Variants in CDH18 observed in about 807,000 individuals in gnomAD.
CDH18 encodes cadherin 18, also known as cadherin-18.
In CDH18, 31 loss-of-function variants were observed where a neutral mutation model predicts 67.9. The observed-to-expected ratio is 0.46, with a 90% confidence interval of 0.34 to 0.62. The LOEUF (loss-of-function observed/expected upper bound fraction) is 0.62, where lower values mean the gene tolerates loss of function less well. Among genes scored for constraint, CDH18 ranks in the 20% least tolerant of loss-of-function variants. The pLI is 0.01. For synonymous variants in CDH18, 362 were observed against 347.2 expected, an observed-to-expected ratio of 1.04 and a Z score of -0.48; for missense variants, 890 against 975.5, an observed-to-expected ratio of 0.91 and a Z score of 1.17.
At chr5:20,526,934 A>G (rs1383452285) in intron 1 of CDH18, among the ~76,000 whole-genome samples, 1 of 152,120 alleles carries the variant, frequency 6.6e-6, no homozygotes, top group African/African-American at 2.4e-5. Flanking sequence ...GAATGGACAA[A>G]CCGACAGAAG....
chr5:19,701,180 T>C (rs1561085890), intron 5 of CDH18, among the ~76,000 whole-genome samples: 1 of 152,120 alleles, frequency 6.6e-6, no homozygotes, highest in African/African-American at 2.4e-5. Flanking sequence ...TTATGTGTTT[T>C]AAAAAATGAC....
intron 2 of CDH18, among the ~76,000 whole-genome samples, chr5:19,847,570 A>G (rs1783138938): frequency 6.6e-6 from 1 of 152,042 alleles, no homozygotes; most frequent in African/African-American, 2.4e-5. Context: ...TATTTCATAT[A>G]CTTCCATTTT....
intron 2 of CDH18, among the ~76,000 whole-genome samples, chr5:19,905,799 G>T (rs917813578): frequency 2.0e-5 from 3 of 151,876 alleles, no homozygotes; most frequent in African/African-American, 7.2e-5. Context: ...ATTTGCAAAT[G>T]ATCTAAAATG....
chr5:20,552,900 G>C (rs1043408929), intron 1 of CDH18, among the ~76,000 whole-genome samples: 1 of 151,954 alleles, frequency 6.6e-6, no homozygotes, highest in African/African-American at 2.4e-5. Flanking sequence ...GACTACAGGC[G>C]TGCTCCATCA....
rs150340920 is a variant in CDH18 at position 20,549,299 on chromosome 5, A to G, written c.-580+26163T>C. 3.7e-3 allele frequency among the ~76,000 whole-genome samples: 565 copies of G among 152,232 alleles called. 8 individuals are homozygous for G. The highest frequency in any genetic ancestry group is 0.013 in the African/African-American group (541 of 41,576). On this transcript the variant is annotated intron_variant, in intron 1 of 14. Transcript: ENST00000507958. ...TTTTAGTTTTAAATTTTATTCTTTC[A>G]TATTGACACATTCTATATATACAAA...
chr5:20,354,564 G>T (rs34691373), intron 1 of CDH18, among the ~76,000 whole-genome samples: 25,606 of 152,020 alleles, frequency 0.17, 2,608 homozygotes, highest in East Asian at 0.28. Flanking sequence ...CCCACACGTG[G>T]CGATTTTTTG....
chr5:20,237,265 A>G (rs1260456589), intron 2 of CDH18, among the ~76,000 whole-genome samples: 2 of 151,922 alleles, frequency 1.3e-5, no homozygotes, highest in Non-Finnish European at 2.9e-5. Context: ...TAAGAAGAGG[A>G]AAAAGCGGGG....
intron 1 of CDH18, among the ~76,000 whole-genome samples, chr5:20,455,283 T>A (rs956964042): frequency 1.8e-4 from 27 of 152,128 alleles, no homozygotes; most frequent in African/African-American, 6.5e-4. Flanking sequence ...CTGAAGATTG[T>A]TAGTAAGGAA....
At chr5:20,335,621 A>G (rs569263410) in intron 1 of CDH18, among the ~76,000 whole-genome samples, 289 of 152,320 alleles carry the variant, frequency 1.9e-3, no homozygotes, top group African/African-American at 6.5e-3. Context: ...ATCTGAAAAT[A>G]TGCATACTTC....
At chr5:20,455,045 C>G (rs1293198472) in intron 1 of CDH18, among the ~76,000 whole-genome samples, 1 of 148,990 alleles carries the variant, frequency 6.7e-6, no homozygotes, top group African/African-American at 2.5e-5. Context: ...TAATGCGAGC[C>G]AATGCTTTGA....
intron 3 of CDH18, among the ~76,000 whole-genome samples, chr5:19,757,526 T>C (rs1281129140): frequency 4.6e-5 from 7 of 152,188 alleles, no homozygotes; most frequent in African/African-American, 1.7e-4. Context: ...CATTTGGCTA[T>C]GTCAGGGGTG....
chr5:19,994,750 G>T (rs1216429665), intron 2 of CDH18, among the ~76,000 whole-genome samples: 759 of 21,072 alleles, frequency 0.036, 4 homozygotes, highest in Non-Finnish European at 0.043. Flanking sequence ...GAGAGAGAGA[G>T]AGAGAGAGAG....
At chr5:20,306,295 GT>G (rs149477615) in intron 1 of CDH18, among the ~76,000 whole-genome samples, 15,080 of 151,984 alleles carry the variant, frequency 0.099, 1,133 homozygotes, top group East Asian at 0.22. Context: ...TCAATAGCAG[GT>G]TTTTTTCATA....
chr5:19,679,106 A>C (rs1487304510), intron 5 of CDH18, among the ~76,000 whole-genome samples: 5 of 152,082 alleles, frequency 3.3e-5, no homozygotes, highest in Non-Finnish European at 7.4e-5. Flanking sequence ...TGCCACAATC[A>C]AGTAGGCTTT....
intron 1 of CDH18, among the ~76,000 whole-genome samples, chr5:20,408,876 T>C (rs1746525514): frequency 6.6e-6 from 1 of 151,632 alleles, no homozygotes; most frequent in African/African-American, 2.4e-5. Flanking sequence ...ATGGAAAAAA[T>C]ATTTTACACA....
At chr5:19,867,029 C>T (rs1276611348) in intron 2 of CDH18, among the ~76,000 whole-genome samples, 1 of 152,084 alleles carries the variant, frequency 6.6e-6, no homozygotes, top group African/African-American at 2.4e-5. Context: ...GTGGAGGTTG[C>T]AGTGAGCTGA....
At chr5:19,833,599 A>C (rs2150002779) in intron 3 of CDH18, among the ~76,000 whole-genome samples, 1 of 152,246 alleles carries the variant, frequency 6.6e-6, no homozygotes, top group African/African-American at 2.4e-5. Context: ...GTCTTGTATT[A>C]GTTTTCAAAG....
chr5:19,534,019 A>G (rs1353140544), intron 9 of CDH18, among the ~76,000 whole-genome samples: 4 of 152,178 alleles, frequency 2.6e-5, no homozygotes, highest in South Asian at 2.1e-4. Flanking sequence ...TTACAATATG[A>G]TACTAACACT....
At chr5:19,584,984 G>T (rs1420319712) in intron 7 of CDH18, among the ~76,000 whole-genome samples, 1 of 125,008 alleles carries the variant, frequency 8.0e-6, no homozygotes, top group African/African-American at 2.6e-5. Context: ...GACAGAGCAA[G>T]ACTCTATCTC....
Sources: gnomAD v4.1 joint callset for allele counts (sites outside exome capture counted in the v4.1 genomes callset) on GRCh38, gnomAD v4.1.1 for gene constraint, MANE v1.5 for transcripts, NCBI Gene and HGNC (gene_info 2026-07-23, HGNC 2026-07-21) for gene names.